The following RBAK variants were observed in gnomAD, a reference collection of about 807,000 sequenced individuals.
RBAK encodes RB-associated KRAB zinc finger protein.
In RBAK, 39 loss-of-function variants were observed where a neutral mutation model predicts 65.8. The observed-to-expected ratio is 0.59, with a 90% CI of 0.46 to 0.77. The LOEUF (loss-of-function observed/expected upper bound fraction) is 0.77. Among genes scored for constraint, RBAK ranks in the 30% least tolerant of loss-of-function variants. RBAK has a pLI of 0.00. For missense variants in RBAK, 884 were observed against 855.1 expected, an observed-to-expected ratio of 1.03 and a Z score of -0.42; for synonymous variants, 343 against 289.7, an observed-to-expected ratio of 1.18 and a Z score of -1.87.
In RBAK at chr7:5,057,076, TTTATATATA is replaced by T. The variant is rs796737248; in HGVS notation, c.16-207_16-199del. ...TTTGTGGGGCAATATATATATATTT[TTTATATATA>T]TTATATATATTTATATATATTATAT... is the stretch of plus-strand genomic sequence containing the variant. On this transcript the variant is annotated intron_variant, in intron 2 of 4. Coordinates refer to ENST00000396912, the MANE Select transcript of RBAK (RefSeq NM_021163.4). 93 of 207,708 alleles carry T rather than the reference TTTATATATA, an allele frequency of 4.5e-4. No individual in the cohort carries two copies. In the South Asian group the frequency reaches 0.014, roughly 31 times the overall value. 12.9% of individuals were successfully genotyped at this position (207,708 alleles called of 1,614,324 possible).
At chr7:5,051,711 C>T (rs1788121561) in intron 2 of RBAK, among the ~76,000 whole-genome samples, 1 of 152,112 alleles carries the variant, frequency 6.6e-6, no homozygotes, top group Admixed American at 6.6e-5. Flanking sequence ...TTATAGAAGT[C>T]TTTAAATTTA....
chr7:5,051,892 T>A (rs576796100), intron 2 of RBAK, among the ~76,000 whole-genome samples: 1 of 152,298 alleles, frequency 6.6e-6, no homozygotes, highest in African/African-American at 2.4e-5. Context: ...GTTTGATAAA[T>A]GTTAATGAGA....
chr7:5,049,335 T>C (rs1788064804), intron 2 of RBAK, among the ~76,000 whole-genome samples: 1 of 152,228 alleles, frequency 6.6e-6, no homozygotes, highest in Non-Finnish European at 1.5e-5. Context: ...TGTTGAGTCC[T>C]AGATCATGGG....
rs755005409 is a variant in RBAK at position 5,057,742 on chromosome 7, G to C, written c.201G>C (p.Trp67Cys). The C allele has an allele frequency of 6.2e-7, 1 of 1,613,908 alleles. No homozygotes were observed. Among genetic ancestry groups the C allele is most frequent in the Non-Finnish European group, 8.5e-7 (1 of 1,179,838 alleles). Residue 67 changes from tryptophan (W) to cysteine (C), a missense_variant, in exon 4 of 5, where the codon TGG becomes TGC. Physicochemically the swap from Trp to Cys is radical, Grantham distance 215. Transcript: ENST00000396912. ...AGTTGGAGCAGGGAGAGGAGCCGTG[G>C]ATAATGGGAGGTGAATTTCCATGTC... ...IIKLEQGEEPWIMGGEFPCQH... is the reference protein window; with the variant it reads ...IIKLEQGEEPCIMGGEFPCQH...
At chr7:5,056,081 G>T (rs2115034312) in intron 2 of RBAK, among the ~76,000 whole-genome samples, 1 of 151,634 alleles carries the variant, frequency 6.6e-6, no homozygotes, top group African/African-American at 2.4e-5. Flanking sequence ...TGGATTGCTG[G>T]AGCCCAGGAG....
At chr7:5,061,447 C>CTTTTT (rs199823841) in intron 4 of RBAK, among the ~76,000 whole-genome samples, 7 of 113,646 alleles carry the variant, frequency 6.2e-5, no homozygotes, top group African/African-American at 1.4e-4. Context: ...TTTTGTTTTT[C>CTTTTT]TTTTTCTTTT....
intron 2 of RBAK, among the ~76,000 whole-genome samples, chr7:5,052,027 T>A (rs1788128145): frequency 6.6e-6 from 1 of 152,212 alleles, no homozygotes; most frequent in Non-Finnish European, 1.5e-5. Context: ...CTCTTTGCAA[T>A]TTTACCACTT....
chr7:5,064,577 C>T lies in RBAK; in HGVS notation c.1121C>T (p.Pro374Leu). The change falls in exon 5 of 5, where the codon CCA (proline) becomes CTA (leucine). Residue 374 changes from proline (P) to leucine (L), a missense_variant. Transcript: ENST00000396912. The surrounding 1 kb of genome is among the most constrained non-coding windows in gnomAD (Gnocchi z 6.3). ...QRNHSGERPY[P>L]CNECGKSFSR... Reference sequence around the variant, plus strand: ...AATCATTCAGGAGAGAGGCCCTATCCATGTAACGAATGTGGGAAATCCTTC... The same window carrying T: ...AATCATTCAGGAGAGAGGCCCTATCTATGTAACGAATGTGGGAAATCCTTC... 1 of 1,613,700 alleles carries T rather than the reference C, an allele frequency of 6.2e-7. No homozygotes were observed. The highest frequency in any genetic ancestry group is 8.5e-7 in the Non-Finnish European group (1 of 1,179,872).
At chr7:5,059,303 CCT>C (rs765395683) in intron 4 of RBAK, among the ~76,000 whole-genome samples, 8 of 151,794 alleles carry the variant, frequency 5.3e-5, no homozygotes, top group Non-Finnish European at 1.5e-5. Context: ...TCCTCTCCTC[CCT>C]CTCTCCCTTC....
chr7:5,047,002 A>G (rs1461445698), intron 1 of RBAK, among the ~76,000 whole-genome samples: 1 of 152,212 alleles, frequency 6.6e-6, no homozygotes, highest in African/African-American at 2.4e-5. Flanking sequence ...CAGTTAGATA[A>G]TTTAGAAACA....
At position 5,065,949 on chromosome 7, in the gene RBAK, T is replaced by C; in HGVS notation, c.*348T>C. ...TGTGGAAAATATATTGTCTTGGAAA[T>C]TTGTTGTAAAAGCCATATTTCTAAT... is the stretch of plus-strand genomic sequence containing the variant. On this transcript the variant is annotated 3_prime_UTR_variant, in exon 5 of 5. Transcript: ENST00000396912. The surrounding 1 kb of genome is among the most constrained non-coding windows in gnomAD (Gnocchi z 5.3). The C allele has an allele frequency of 6.2e-6, 1 of 161,790 alleles. No homozygotes were observed. The highest frequency in any genetic ancestry group is 1.3e-5 in the Non-Finnish European group (1 of 74,420). The allele number at this position is 161,790 out of a possible 1,614,324, so 10.0% of individuals were successfully genotyped here. A position where few individuals can be genotyped will look rare whatever the true frequency, so the allele number is the denominator to read the frequency against.
Position 5,065,668 on chromosome 7 carries a change from A to G in RBAK, c.*67A>G, listed in dbSNP as rs935388868. ...ATATGGGGAATCCAATAGGAAGTCAAAGCGTTTATCTGAGAGTTCGTGTTC... is the reference window on the plus strand; with the variant it reads ...ATATGGGGAATCCAATAGGAAGTCAGAGCGTTTATCTGAGAGTTCGTGTTC... On this transcript the variant is annotated 3_prime_UTR_variant, in exon 5 of 5. Coordinates refer to ENST00000396912, the MANE Select transcript of RBAK (RefSeq NM_021163.4). The surrounding 1 kb of genome is among the most constrained non-coding windows in gnomAD (Gnocchi z 5.3). 15 of 1,218,652 alleles carry G rather than the reference A, an allele frequency of 1.2e-5. No homozygotes were observed. In the African/African-American group the frequency reaches 2.1e-4, roughly 17 times the overall value. 75.5% of individuals were successfully genotyped at this position (1,218,652 alleles called of 1,614,324 possible).
chr7:5,065,617 T>C lies in RBAK; in HGVS notation c.*16T>C, dbSNP rs1361849652. On this transcript the variant is annotated 3_prime_UTR_variant, in exon 5 of 5. Coordinates refer to ENST00000396912, the MANE Select transcript of RBAK (RefSeq NM_021163.4). The surrounding 1 kb of genome is among the most constrained non-coding windows in gnomAD (Gnocchi z 5.3). ...AAATCTCTGAAGTCAGATCTCAATTTTTAGAAAACTCTCTGAATATAATGA... is the reference window on the plus strand; with the variant it reads ...AAATCTCTGAAGTCAGATCTCAATTCTTAGAAAACTCTCTGAATATAATGA... 6.8e-7 allele frequency: 1 copy of C among 1,467,104 alleles called. No individual in the cohort carries two copies. The highest frequency in any genetic ancestry group is 2.3e-5 in the East Asian group (1 of 43,558). 90.9% of individuals were successfully genotyped at this position (1,467,104 alleles called of 1,614,324 possible).
chr7:5,048,119 C>G lies in RBAK; in HGVS notation c.15+28C>G. The G allele has an allele frequency of 1.3e-6, 2 of 1,581,216 alleles. No homozygotes were observed. The highest frequency in any genetic ancestry group is 8.6e-7 in the Non-Finnish European group (1 of 1,168,364). ...GAGTTTTCATGCTTGTGTATATGTTCCTCAACTTTATTTTATGATGCATTT... is the reference window on the plus strand; with the variant it reads ...GAGTTTTCATGCTTGTGTATATGTTGCTCAACTTTATTTTATGATGCATTT... On this transcript the variant is annotated intron_variant, in intron 2 of 4. Transcript: ENST00000396912. This position sits in a 1 kb window ranked among gnomAD's most constrained non-coding sequence, Gnocchi z 4.4.
rs773847672 is a variant in RBAK, at chr7:5,057,440, C to G, written c.142+19C>G. On this transcript the variant is annotated intron_variant, in intron 3 of 4. Transcript: ENST00000396912. ...TCTGTGGGTGAGAATAGCTTGCTTT[C>G]TGAATGCTCTCAGTTGAATGGGGTT... The G allele has an allele frequency of 3.1e-6, 5 of 1,614,070 alleles. No homozygotes were observed. The highest frequency in any genetic ancestry group is 1.7e-6 in the Non-Finnish European group (2 of 1,179,998).
rs374214716 is a variant in RBAK at position 5,046,345 on chromosome 7, C to G, written c.-96C>G. On this transcript the variant is annotated 5_prime_UTR_variant, in exon 1 of 5. Coordinates refer to ENST00000396912, the MANE Select transcript of RBAK (RefSeq NM_021163.4). ...CAGACGCGCGCCAGCGACAGCAGCC[C>G]CGCCCCGGCCTCTCGGGAGCCGTGG... 17 of 515,682 alleles carry G rather than the reference C, an allele frequency of 3.3e-5. No homozygotes were observed. Among genetic ancestry groups the G allele is most frequent in the South Asian group, 2.1e-4 (15 of 71,320 alleles). 31.9% of individuals were successfully genotyped at this position (515,682 alleles called of 1,614,324 possible). A position where few individuals can be genotyped will look rare whatever the true frequency, so the allele number is the denominator to read the frequency against.
Position 5,048,990 on chromosome 7 carries a change from T to C in RBAK, c.15+899T>C, listed in dbSNP as rs545280099. Among the ~76,000 whole-genome samples, 319 of 152,216 alleles carry C rather than the reference T, an allele frequency of 2.1e-3. 3 individuals carry two copies. The highest frequency in any genetic ancestry group is 7.3e-3 in the African/African-American group (304 of 41,510). Reference sequence around the variant, plus strand: ...CTCCCACCAGGCCCCACCTCCAACATTGGGGATTACAATTGAACATGAGAT... The same window carrying C: ...CTCCCACCAGGCCCCACCTCCAACACTGGGGATTACAATTGAACATGAGAT... On this transcript the variant is annotated intron_variant, in intron 2 of 4. Transcript: ENST00000396912. The surrounding 1 kb of genome is among the most constrained non-coding windows in gnomAD (Gnocchi z 4.4).
intron 2 of RBAK, among the ~76,000 whole-genome samples, chr7:5,053,625 C>G (rs935812755): frequency 4.6e-5 from 7 of 152,190 alleles, no homozygotes; most frequent in African/African-American, 1.7e-4. Context: ...AATTTTCCCA[C>G]AACACACTGT....
chr7:5,057,175 A>G (rs1778940692), intron 2 of RBAK, 120 bp from the exon 3 acceptor site: 1 of 1,497,522 alleles, frequency 6.7e-7, no homozygotes, highest in Non-Finnish European at 9.0e-7. Flanking sequence ...CCCTTCCATA[A>G]TCTGTAACAT....
Sources: gnomAD v4.1 joint callset for allele counts (sites outside exome capture counted in the v4.1 genomes callset) on GRCh38, gnomAD v4.1.1 for gene constraint, Gnocchi (gnomAD v3.1) non-coding constraint, MANE v1.5 for transcripts, NCBI Gene and HGNC (gene_info 2026-07-23, HGNC 2026-07-21) for gene names.